Variants in NPAS2 observed in about 807,000 individuals in gnomAD.
NPAS2 encodes the protein neuronal PAS domain protein 2, also known as neuronal PAS domain-containing protein 2.
In NPAS2, 23 loss-of-function variants were observed where a neutral mutation model predicts 107.5. The observed-to-expected ratio is 0.21, with a 90% confidence interval of 0.15 to 0.30. The LOEUF (loss-of-function observed/expected upper bound fraction) is 0.30, where lower values mean the gene tolerates loss of function less well. Among genes scored for constraint, NPAS2 ranks in the 10% least tolerant of loss-of-function variants. The pLI, the probability that NPAS2 is intolerant of heterozygous loss-of-function variation, is 1.00. For synonymous variants in NPAS2, 403 were observed against 417.5 expected (o/e 0.97, Z 0.42); for missense variants, 756 against 1,043.3 (o/e 0.72, Z 3.79).
At chr2:100,987,912 G>A in intron 16 of NPAS2, 167 bp from the exon 17 acceptor site, 1 of 732,978 alleles carries the variant, frequency 1.4e-6, no homozygotes, top group Non-Finnish European at 2.4e-6. Context: ...GCCTGACACT[G>A]AGCTTGGGGC....
chr2:100,828,645 AAG>A (rs141792687), intron 1 of NPAS2, among the ~76,000 whole-genome samples: 9,414 of 152,178 alleles, frequency 0.062, 967 homozygotes, highest in African/African-American at 0.21. Flanking sequence ...CCATTTACTG[AAG>A]AGAGAGTCCT....
Position 100,887,735 on chromosome 2 carries a change from C to T in NPAS2, c.-22-16998C>T, listed in dbSNP as rs12463431. Among the ~76,000 whole-genome samples, 940 of 151,822 alleles carry T rather than the reference C, an allele frequency of 6.2e-3. 57 individuals carry two copies. The East Asian group carries it at 0.14, about 23-fold the overall frequency. Reference sequence around the variant, plus strand: ...GTGTTCTCTGGGTTTTCCTCTTACCCGGGTCCCCTGTCTGCCATCCACAGG... The same window carrying T: ...GTGTTCTCTGGGTTTTCCTCTTACCTGGGTCCCCTGTCTGCCATCCACAGG... On this transcript the variant is annotated intron_variant, in intron 1 of 20. Transcript: ENST00000335681.
chr2:100,959,097 AAAAAAAAAAAAAC>A (rs1370836770), intron 7 of NPAS2, among the ~76,000 whole-genome samples: 3 of 103,280 alleles, frequency 2.9e-5, no homozygotes, highest in Non-Finnish European at 6.3e-5. Context: ...TTCAAAAAAA[AAAAAAAAAAAAAC>A]AAAACTAAAA....
chr2:100,885,742 T>C (rs1026018669), intron 1 of NPAS2, among the ~76,000 whole-genome samples: 4 of 152,210 alleles, frequency 2.6e-5, no homozygotes, highest in African/African-American at 9.6e-5. Context: ...TGGTGTGATC[T>C]TAGCTCACTG....
intron 1 of NPAS2, among the ~76,000 whole-genome samples, chr2:100,890,211 C>T (rs1311639089): frequency 6.6e-6 from 1 of 152,182 alleles, no homozygotes; most frequent in East Asian, 1.9e-4. Flanking sequence ...AATGCCTCTG[C>T]AAGGCATGTT....
chr2:100,826,814 T>C (rs1349132136), intron 1 of NPAS2, among the ~76,000 whole-genome samples: 1 of 152,214 alleles, frequency 6.6e-6, no homozygotes, highest in East Asian at 1.9e-4. Flanking sequence ...CTACAGTGTG[T>C]AAGGCCGCCT....
rs560241697 is a variant in NPAS2 at position 100,880,024 on chromosome 2, T to TG, written c.-22-24702dup. Among the ~76,000 whole-genome samples, 43 of 152,228 alleles carry TG rather than the reference T, an allele frequency of 2.8e-4. No individual in the cohort carries two copies. In the East Asian group the frequency reaches 7.5e-3, roughly 27 times the overall value. ...TATTTGGCCTGAAATGGGGGACCTCTGGGGGGGACAAGATCACTCTGCTCC... is the reference window on the plus strand; with the variant it reads ...TATTTGGCCTGAAATGGGGGACCTCTGGGGGGGGACAAGATCACTCTGCTCC... On this transcript the variant is annotated intron_variant, in intron 1 of 20. Coordinates refer to ENST00000335681, the MANE Select transcript of NPAS2 (RefSeq NM_002518.4).
At chr2:100,975,701 G>T in intron 14 of NPAS2, 134 bp downstream of exon 14, 1 of 579,304 alleles carries the variant, frequency 1.7e-6, no homozygotes, top group South Asian at 3.0e-5. Context: ...TGGCAGATGG[G>T]GGTGGGAAGT....
chr2:100,911,926 C>T (rs1258170721), intron 2 of NPAS2, among the ~76,000 whole-genome samples: 2 of 152,180 alleles, frequency 1.3e-5, no homozygotes, highest in East Asian at 1.9e-4. Context: ...GCAATGGCGC[C>T]CGGCTTCCAG....
In NPAS2 at chr2:100,982,397, G is replaced by C; in HGVS notation, c.1629+20G>C. ...GTCCAGGTGATCCCCTTCCCGGGCT[G>C]GCCTCTGTCCCTGCTGCTGTGTGGG... On this transcript the variant is annotated intron_variant, in intron 16 of 20. Coordinates refer to ENST00000335681, the MANE Select transcript of NPAS2 (RefSeq NM_002518.4). The C allele has an allele frequency of 6.2e-7, 1 of 1,612,356 alleles. No homozygotes were observed. The highest frequency in any genetic ancestry group is 8.5e-7 in the Non-Finnish European group (1 of 1,179,752).
At chr2:100,905,493 T>C (rs1682088743) in intron 2 of NPAS2, among the ~76,000 whole-genome samples, 1 of 151,778 alleles carries the variant, frequency 6.6e-6, no homozygotes, top group Non-Finnish European at 1.5e-5. Context: ...TTTCACACGA[T>C]TCACCCAAGT....
In NPAS2 at chr2:100,825,533, C is replaced by G. The variant is rs116658333; in HGVS notation, c.-23+5119C>G. On this transcript the variant is annotated intron_variant, in intron 1 of 20. Coordinates refer to ENST00000335681, the MANE Select transcript of NPAS2 (RefSeq NM_002518.4). ...ATCCTTGTGGCCTACCCATAATCATCGCCCTATCTTTTATTTGCCTAGCAG... is the reference window on the plus strand; with the variant it reads ...ATCCTTGTGGCCTACCCATAATCATGGCCCTATCTTTTATTTGCCTAGCAG... 5.5e-3 allele frequency among the ~76,000 whole-genome samples: 837 copies of G among 152,262 alleles called. 6 individuals are homozygous for G. The highest frequency in any genetic ancestry group is 0.018 in the African/African-American group (740 of 41,554).
At chr2:100,857,829 G>C (rs1198607626) in intron 1 of NPAS2, among the ~76,000 whole-genome samples, 1 of 152,230 alleles carries the variant, frequency 6.6e-6, no homozygotes, top group Non-Finnish European at 1.5e-5. Context: ...AACCACATGT[G>C]TATATTTTGT....
At chr2:100,819,328 G>C (rs922302653), upstream of NPAS2, among the ~76,000 whole-genome samples, 2 of 152,124 alleles carry the variant, frequency 1.3e-5, no homozygotes, top group Non-Finnish European at 2.9e-5. This position sits in a 1 kb window ranked among gnomAD's most constrained non-coding sequence, Gnocchi z 5.8. Flanking sequence ...GGGGAGGGGG[G>C]CAATTAGCCG....
At chr2:100,966,676 C>T (rs906938241) in intron 10 of NPAS2, among the ~76,000 whole-genome samples, 5 of 150,228 alleles carry the variant, frequency 3.3e-5, no homozygotes, top group Non-Finnish European at 5.9e-5. Context: ...TCACTGCAAG[C>T]TTCACCTTCT....
chr2:100,921,376 C>T (rs1024489330), intron 2 of NPAS2, among the ~76,000 whole-genome samples: 7 of 152,154 alleles, frequency 4.6e-5, no homozygotes, highest in African/African-American at 1.4e-4. Flanking sequence ...ATAGTAAGTG[C>T]CCAGCAAATA....
chr2:100,826,245 A>C (rs1339886974), intron 1 of NPAS2, among the ~76,000 whole-genome samples: 2 of 152,100 alleles, frequency 1.3e-5, no homozygotes, highest in Non-Finnish European at 2.9e-5. Context: ...AGTTCGAGAC[A>C]ATCCTGGCCA....
At chr2:100,901,502 A>C (rs1001270937) in intron 1 of NPAS2, 15 of 985,230 alleles carry the variant, frequency 1.5e-5, no homozygotes, top group Non-Finnish European at 1.8e-5. Context: ...CCCCAGAGAG[A>C]TGAATGTTAC....
At chr2:100,838,173 CTT>C (rs35830048) in intron 1 of NPAS2, among the ~76,000 whole-genome samples, 9,495 of 133,964 alleles carry the variant, frequency 0.071, 536 homozygotes, top group East Asian at 0.35. Flanking sequence ...CCTGGGTTAG[CTT>C]TTTTTTTTTT....
Sources: gnomAD v4.1 joint callset for allele counts (sites outside exome capture counted in the v4.1 genomes callset) on GRCh38, gnomAD v4.1.1 for gene constraint, Gnocchi (gnomAD v3.1) non-coding constraint, MANE v1.5 for transcripts, NCBI Gene and HGNC (gene_info 2026-07-23, HGNC 2026-07-21) for gene names.